UNK: variants seen among roughly 807,000 people sequenced by gnomAD.
The protein encoded by UNK is RING finger protein unkempt homolog.
UNK carries 32 observed loss-of-function variants against 97.6 expected under a neutral mutation model. That is an observed-to-expected ratio of 0.33 (90% confidence interval 0.25 to 0.44). The LOEUF is 0.44. UNK is among the 20% of genes least tolerant of loss of function. The pLI is 1.00. For synonymous variants in UNK, 441 were observed against 461.2 expected (o/e 0.96, Z 0.56); for missense variants, 771 against 1,098.4 (o/e 0.70, Z 4.21).
Position 75,812,377 on chromosome 17 carries a change from G to A in UNK, c.492-78G>A, listed in dbSNP as rs765392223. The A allele has an allele frequency of 8.0e-5, 127 of 1,581,972 alleles. No individual in the cohort carries two copies. The African/African-American group carries it at 1.1e-3, about 14-fold the overall frequency. ...CTAATGATGGTGAGTACCTCAGACTGCAGTGGAGGGCTGGCACTCTGGTTC... is the reference window on the plus strand; with the variant it reads ...CTAATGATGGTGAGTACCTCAGACTACAGTGGAGGGCTGGCACTCTGGTTC... On this transcript the variant is annotated intron_variant, in intron 3 of 15. Transcript: ENST00000589666.
At chr17:75,798,066 CTTTT>C (rs776246418) in intron 1 of UNK, among the ~76,000 whole-genome samples, 3 of 129,144 alleles carry the variant, frequency 2.3e-5, no homozygotes, top group Admixed American at 7.9e-5. Flanking sequence ...GACCACAGCT[CTTTT>C]TTTTTTTTTT....
chr17:75,795,139 C>CT (rs1355136269), intron 1 of UNK, among the ~76,000 whole-genome samples: 2 of 152,078 alleles, frequency 1.3e-5, no homozygotes, highest in African/African-American at 4.8e-5. Flanking sequence ...CTGCTTGTAT[C>CT]TTACATGATG....
Position 75,822,534 on chromosome 17 carries a change from C to T in UNK, c.1895C>T (p.Pro632Leu), listed in dbSNP as rs1028602086. The T allele has an allele frequency of 2.5e-6, 4 of 1,613,716 alleles. No individual in the cohort carries two copies. Among genetic ancestry groups the T allele is most frequent in the Non-Finnish European group, 2.5e-6 (3 of 1,179,806 alleles). ...CATTTTGCCTCTGGAAGCTTCTCCCCGGGCACTTCCCCCGCTTTCCTATCA... is the reference window on the plus strand; with the variant it reads ...CATTTTGCCTCTGGAAGCTTCTCCCTGGGCACTTCCCCCGCTTTCCTATCA... ...WEHFASGSFS[P>L]GTSPAFLSGP... Residue 632 changes from proline to leucine, a missense_variant, in exon 14 of 16, where the codon CCG (proline) becomes CTG (leucine). This residue lies in a region of UNK where 208 missense variants were observed against 257.4 expected (regional missense o/e 0.81). Transcript: ENST00000589666.
rs56221993 is a variant in UNK, at chr17:75,802,242, C to CT, written c.105-7484dup. On this transcript the variant is annotated intron_variant, in intron 1 of 15. Transcript: ENST00000589666. ...TGATGGATTTTTTCAGCACAGATGT[C>CT]TTTTTTTTTTTTTTTTTTTTTTTTT... Among the ~76,000 whole-genome samples, 36 of 47,254 alleles carry CT rather than the reference C, an allele frequency of 7.6e-4. 8 individuals are homozygous for CT. The highest frequency in any genetic ancestry group is 9.1e-4 in the East Asian group (1 of 1,094). The allele number at this position is 47,254 out of a possible 152,430, so 31.0% of individuals were successfully genotyped here.
At chr17:75,811,888 G>A (rs952129660) in intron 2 of UNK, among the ~76,000 whole-genome samples, 2 of 152,212 alleles carry the variant, frequency 1.3e-5, no homozygotes, top group Non-Finnish European at 2.9e-5. Flanking sequence ...TCGGGAGGCT[G>A]AGGCAGGAGA....
At chr17:75,813,930 C>T in intron 6 of UNK, 52 bp downstream of exon 6, 1 of 1,476,328 alleles carries the variant, frequency 6.8e-7, no homozygotes, top group Non-Finnish European at 9.1e-7. Flanking sequence ...AGGAGAGAGG[C>T]AGGCAGGATC....
chr17:75,788,144 C>G (rs1317174881), intron 1 of UNK, among the ~76,000 whole-genome samples: 1 of 151,202 alleles, frequency 6.6e-6, no homozygotes, highest in Non-Finnish European at 1.5e-5. Flanking sequence ...AGATAGACCC[C>G]TTTTGAATAT....
chr17:75,813,911 T>C (rs901120150), intron 6 of UNK, 33 bp downstream of exon 6: 8 of 1,532,938 alleles, frequency 5.2e-6, no homozygotes, highest in Non-Finnish European at 1.8e-6. Context: ...GGGGTGGCTT[T>C]GGGAAGTAAG....
At chr17:75,804,522 A>T (rs2061892479) in intron 1 of UNK, among the ~76,000 whole-genome samples, 1 of 152,088 alleles carries the variant, frequency 6.6e-6, no homozygotes, top group African/African-American at 2.4e-5. Context: ...ACTGGAAGAG[A>T]TTAAAAGAGA....
chr17:75,788,736 TC>T (rs1238825089), intron 1 of UNK, among the ~76,000 whole-genome samples: 1 of 150,584 alleles, frequency 6.6e-6, no homozygotes, highest in Non-Finnish European at 1.5e-5. Flanking sequence ...AGGATCTTGC[TC>T]TGTCACCCAG....
chr17:75,792,791 A>G (rs1175012186), intron 1 of UNK, among the ~76,000 whole-genome samples: 2 of 152,278 alleles, frequency 1.3e-5, no homozygotes, highest in African/African-American at 2.4e-5. Flanking sequence ...GAAATGTACA[A>G]GTGGTGAGTT....
Position 75,823,078 on chromosome 17 carries a change from G to A in UNK, c.2020-187G>A, listed in dbSNP as rs146545692. On this transcript the variant is annotated intron_variant, in intron 14 of 15. Coordinates refer to ENST00000589666, the MANE Select transcript of UNK (RefSeq NM_001080419.3). ...AGGTCCCTTTCCCTGGCCACAGAGG[G>A]GAGAGTCTCCTGCAGGTTCTGAAAC... Among the ~76,000 whole-genome samples the A allele has an allele frequency of 5.7e-3, 871 of 152,294 alleles. 8 individuals carry two copies. Among genetic ancestry groups the A allele is most frequent in the Non-Finnish European group, 1.0e-2 (677 of 67,998 alleles).
intron 1 of UNK, chr17:75,792,717 G>A (rs72860368): frequency 0.02 from 3,113 of 156,238 alleles, 37 homozygotes; most frequent in Non-Finnish European, 0.031. Flanking sequence ...GGGAGTGATG[G>A]AAATATTCTG....
intron 1 of UNK, among the ~76,000 whole-genome samples, chr17:75,792,839 G>A (rs566412316): frequency 6.6e-6 from 1 of 152,342 alleles, no homozygotes; most frequent in South Asian, 2.1e-4. Context: ...TTGTTAAAAA[G>A]TTAATTAAAA....
chr17:75,823,550 G>T, intron 15 of UNK, 28 bp downstream of exon 15: 1 of 1,508,380 alleles, frequency 6.6e-7, no homozygotes, highest in East Asian at 2.4e-5. Flanking sequence ...AGCACTGGGT[G>T]GGATGCACGG....
At position 75,824,390 on chromosome 17, in the gene UNK, T is replaced by G; in HGVS notation, c.2406T>G (p.Pro802=). 6.4e-7 allele frequency: 1 copy of G among 1,564,334 alleles called. No homozygotes were observed. Among genetic ancestry groups the G allele is most frequent in the Non-Finnish European group, 8.6e-7 (1 of 1,159,204 alleles). ...AEGSECPICQ[P]GRAHTLQS is the part of the protein sequence containing the mutation. ...GCAGCGAGTGCCCCATCTGCCAGCC[T>G]GGCCGGGCCCACACCCTCCAGTCGT... The change falls in exon 16 of 16, where the codon CCT becomes CCG. Residue 802 remains proline (P), a synonymous_variant. Coordinates refer to ENST00000589666, the MANE Select transcript of UNK (RefSeq NM_001080419.3). The surrounding 1 kb of genome is among the most constrained non-coding windows in gnomAD (Gnocchi z 4.9).
At position 75,813,761 on chromosome 17, in the gene UNK, G is replaced by C; in HGVS notation, c.759G>C (p.Arg253Ser). ...CTGACCCCACCCTCTTGTTGGCCAG[G>C]TCGTCTCCATGTCCAAACGTCAAGC... ...RRRSPRKHKY[R>S]SSPCPNVKHG... is the part of the protein sequence containing the mutation. The change falls in exon 6 of 16, where the codon AGG becomes AGC. Residue 253 changes from arginine (R) to serine (S), a missense_variant and splice_region_variant. Physicochemically the swap from Arg to Ser is moderately radical, Grantham distance 110 (BLOSUM62 -1). This residue lies in a region of UNK where 246 missense variants were observed against 440.7 expected (regional missense o/e 0.56). Coordinates refer to ENST00000589666, the MANE Select transcript of UNK (RefSeq NM_001080419.3). 1 of 1,581,460 alleles carries C rather than the reference G, an allele frequency of 6.3e-7. No homozygotes were observed. Among genetic ancestry groups the C allele is most frequent in the Non-Finnish European group, 8.6e-7 (1 of 1,163,764 alleles).
chr17:75,792,336 T>A (rs1567793825), intron 1 of UNK: 1 of 985,290 alleles, frequency 1.0e-6, no homozygotes, highest in Non-Finnish European at 1.2e-6. Flanking sequence ...TAAAGGAGGT[T>A]TTCCCACTAT....
At position 75,818,911 on chromosome 17, in the gene UNK, C is replaced by T; in HGVS notation, c.1546+95C>T. 2 of 1,356,110 alleles carry T rather than the reference C, an allele frequency of 1.5e-6. No homozygotes were observed. The highest frequency in any genetic ancestry group is 1.5e-5 in the African/African-American group (1 of 67,122). The allele number at this position is 1,356,110 out of a possible 1,614,324, so 84.0% of individuals were successfully genotyped here. On this transcript the variant is annotated intron_variant, in intron 11 of 15. Transcript: ENST00000589666. This position sits in a 1 kb window ranked among gnomAD's most constrained non-coding sequence, Gnocchi z 5.1. ...CGAGTCTCAAATCAGCACACCAGAC[C>T]CCTTAGACATCTGTCTTCGGAAAAT...
Sources: allele counts gnomAD v4.1 joint callset (sites outside exome capture counted in the v4.1 genomes callset), GRCh38; gene constraint gnomAD v4.1.1; regional missense constraint gnomAD v4.1.1; non-coding constraint Gnocchi (gnomAD v3.1); transcripts MANE v1.5; gene names NCBI Gene and HGNC (gene_info 2026-07-23, HGNC 2026-07-21).